The following NCOA1 variants were observed in gnomAD, a reference collection of about 807,000 sequenced individuals.
The protein encoded by NCOA1 is nuclear receptor coactivator 1, also known as Hin-2 protein.
In NCOA1, 35 loss-of-function variants were observed where a neutral mutation model predicts 150.9. The observed-to-expected ratio is 0.23, with a 90% CI of 0.18 to 0.31. The LOEUF is 0.31. Ranked by LOEUF, NCOA1 falls within the 10% of genes least tolerant of loss-of-function variation. The probability of loss-of-function intolerance (pLI) is 1.00; values close to 1 mark genes in which losing one functional copy is unlikely to be tolerated. For missense variants in NCOA1, 1,491 were observed against 1,749.3 expected (o/e 0.85, Z 2.63); for synonymous variants, 590 against 630.0 (o/e 0.94, Z 0.95).
intron 1 of NCOA1, among the ~76,000 whole-genome samples, chr2:24,533,832 G>T (rs1335657566): frequency 1.3e-5 from 2 of 152,134 alleles, no homozygotes; most frequent in Non-Finnish European, 2.9e-5. Flanking sequence ...ATGTGCTGTT[G>T]GATTCAGTTT....
Position 24,691,521 on chromosome 2 carries a change from T to C in NCOA1, c.573T>C (p.Asn191=). 6.2e-7 allele frequency: 1 copy of C among 1,614,026 alleles called. No individual in the cohort carries two copies. The highest frequency in any genetic ancestry group is 8.5e-7 in the Non-Finnish European group (1 of 1,179,948). Residue 191 remains asparagine, a synonymous_variant, in exon 9 of 23, where the codon AAT becomes AAC. Transcript: ENST00000348332. ...VPWPQEATRR[N]SHTFNCRMLI... ...GGCCTCAAGAGGCAACACGACGAAA[T>C]AGCCATACCTTTAACTGCAGGATGC...
intron 14 of NCOA1, among the ~76,000 whole-genome samples, chr2:24,724,939 A>C (rs1674534701): frequency 6.6e-6 from 1 of 152,030 alleles, no homozygotes; most frequent in East Asian, 1.9e-4. Context: ...TGTGTTTTTC[A>C]GAATCCTACA....
chr2:24,750,878 A>T (rs753761657), intron 19 of NCOA1, among the ~76,000 whole-genome samples: 1 of 149,350 alleles, frequency 6.7e-6, no homozygotes, highest in Non-Finnish European at 1.5e-5. Context: ...CAGTGTGTCA[A>T]TTTCATGTTG....
rs190452917 is a variant in NCOA1 at position 24,717,210 on chromosome 2, T to A, written c.2599+6099T>A. 2.4e-4 allele frequency among the ~76,000 whole-genome samples: 37 copies of A among 152,358 alleles called. No homozygotes were observed. The East Asian group carries it at 6.5e-3, about 27-fold the overall frequency. On this transcript the variant is annotated intron_variant, in intron 14 of 22. Coordinates refer to ENST00000348332, the MANE Select transcript of NCOA1 (RefSeq NM_003743.5). ...ACATTTTGGCAGTTTCTTACAAAACTAAACATACTCTTACCATATGATCCA... is the reference window on the plus strand; with the variant it reads ...ACATTTTGGCAGTTTCTTACAAAACAAAACATACTCTTACCATATGATCCA...
intron 3 of NCOA1, among the ~76,000 whole-genome samples, chr2:24,623,763 A>C: frequency 6.6e-6 from 1 of 152,026 alleles, no homozygotes; most frequent in Admixed American, 6.6e-5. Context: ...TCCTCACATT[A>C]CCTTTCCTCT....
chr2:24,588,504 C>T (rs370008831), intron 3 of NCOA1, among the ~76,000 whole-genome samples: 1 of 152,122 alleles, frequency 6.6e-6, no homozygotes, highest in East Asian at 1.9e-4. Context: ...TTCCTTTTTC[C>T]CCCCTCTCCG....
chr2:24,639,830 G>C (rs1169113317), intron 3 of NCOA1, among the ~76,000 whole-genome samples: 1 of 149,594 alleles, frequency 6.7e-6, no homozygotes, highest in African/African-American at 2.5e-5. Flanking sequence ...GGAGGTTGCA[G>C]TGAGCAGAGA....
intron 1 of NCOA1, among the ~76,000 whole-genome samples, chr2:24,544,597 G>T (rs1447867700): frequency 6.6e-6 from 1 of 152,010 alleles, no homozygotes; most frequent in Non-Finnish European, 1.5e-5. Flanking sequence ...CAAAAAATTT[G>T]CTGGGCATGG....
At chr2:24,709,440 T>G (rs886606728) in intron 13 of NCOA1, among the ~76,000 whole-genome samples, 2 of 152,212 alleles carry the variant, frequency 1.3e-5, no homozygotes, top group African/African-American at 4.8e-5. Context: ...CTGATAAATA[T>G]TCATTGGTCA....
chr2:24,516,186 C>CTTTTTTTT (rs755818385), intron 1 of NCOA1, among the ~76,000 whole-genome samples: 35 of 92,984 alleles, frequency 3.8e-4, no homozygotes, highest in Non-Finnish European at 4.8e-4. Flanking sequence ...TAGGTTTTGC[C>CTTTTTTTT]TTTTTTTTTT....
chr2:24,762,764 A>C lies in NCOA1; in HGVS notation c.4143A>C (p.Ala1381=). ...CCACTGACCTTCTCAAAACAGAAGCAGATGGAACCCAGGTCAGTAAGGAAA... is the reference window on the plus strand; with the variant it reads ...CCACTGACCTTCTCAAAACAGAAGCCGATGGAACCCAGGTCAGTAAGGAAA... ...LSSTDLLKTE[A]DGTQQVQQVQ... is the part of the protein sequence containing the mutation. The change falls in exon 22 of 23, where the codon GCA becomes GCC. Residue 1381 remains alanine (A), a synonymous_variant. Coordinates refer to ENST00000348332, the MANE Select transcript of NCOA1 (RefSeq NM_003743.5). 6.2e-7 allele frequency: 1 copy of C among 1,613,854 alleles called. No individual in the cohort carries two copies. The highest frequency in any genetic ancestry group is 8.5e-7 in the Non-Finnish European group (1 of 1,179,730).
intron 4 of NCOA1, among the ~76,000 whole-genome samples, chr2:24,656,087 C>CAAA (rs58446937): frequency 1.8e-4 from 11 of 61,986 alleles, no homozygotes; most frequent in Non-Finnish European, 3.2e-4. Context: ...GACTCCGTCT[C>CAAA]AAAAAAAAAA....
intron 1 of NCOA1, among the ~76,000 whole-genome samples, chr2:24,551,278 T>C (rs1183050205): frequency 1.3e-5 from 2 of 152,204 alleles, no homozygotes; most frequent in African/African-American, 4.8e-5. Context: ...CATTTTTGCA[T>C]TGTCCAAATA....
At chr2:24,628,959 G>T (rs1463722193) in intron 3 of NCOA1, among the ~76,000 whole-genome samples, 2 of 152,124 alleles carry the variant, frequency 1.3e-5, no homozygotes, top group Admixed American at 6.5e-5. Context: ...TAGTGGATTT[G>T]TGTGTGTGCA....
chr2:24,547,988 C>G (rs868566214), intron 1 of NCOA1, among the ~76,000 whole-genome samples: 1 of 74,916 alleles, frequency 1.3e-5, no homozygotes, highest in African/African-American at 6.0e-5. Context: ...GACTCTGTCT[C>G]AAAAAAAAAA....
At chr2:24,568,207 T>C (rs1362648683) in intron 2 of NCOA1, among the ~76,000 whole-genome samples, 1 of 152,238 alleles carries the variant, frequency 6.6e-6, no homozygotes, top group African/African-American at 2.4e-5. Context: ...TTAAAGAATA[T>C]GGGATTTTGT....
chr2:24,675,836 G>C (rs2148525105), intron 7 of NCOA1, among the ~76,000 whole-genome samples: 1 of 152,322 alleles, frequency 6.6e-6, no homozygotes. Flanking sequence ...AGTGAGCTGA[G>C]ATTGCACCAT....
intron 3 of NCOA1, among the ~76,000 whole-genome samples, chr2:24,586,511 CTA>C (rs1667419468): frequency 6.6e-6 from 1 of 152,098 alleles, no homozygotes; most frequent in African/African-American, 2.4e-5. Flanking sequence ...CTCAGCCTTC[CTA>C]GCAGCTGGGA....
At chr2:24,584,388 CA>C (rs1284354722) in intron 2 of NCOA1, 87 bp from the exon 3 acceptor site, 1 of 152,074 alleles carries the variant, frequency 6.6e-6, no homozygotes, top group Non-Finnish European at 1.5e-5. Flanking sequence ...CTGCTCCCCC[CA>C]CCCATTTTCC....
Sources: allele counts gnomAD v4.1 joint callset (sites outside exome capture counted in the v4.1 genomes callset), GRCh38; gene constraint gnomAD v4.1.1; transcripts MANE v1.5; gene names NCBI Gene and HGNC (gene_info 2026-07-23, HGNC 2026-07-21).